PRDM6: variants seen among roughly 807,000 people sequenced by gnomAD.
The protein encoded by PRDM6 is PR/SET domain 6.
In PRDM6, 25 loss-of-function variants were observed where a neutral mutation model predicts 60.8. The observed-to-expected ratio is 0.41, with a 90% confidence interval of 0.30 to 0.57. PRDM6 has a LOEUF of 0.57. Ranked by LOEUF, PRDM6 falls within the 20% of genes least tolerant of loss-of-function variation. The probability of loss-of-function intolerance (pLI) is 0.27; values close to 1 mark genes in which losing one functional copy is unlikely to be tolerated. For missense variants in PRDM6, 839 were observed against 821.3 expected (o/e 1.02, Z -0.26); for synonymous variants, 407 against 357.4 (o/e 1.14, Z -1.57).
At chr5:123,158,319 T>A (rs1467118146) in intron 4 of PRDM6, among the ~76,000 whole-genome samples, 1 of 152,166 alleles carries the variant, frequency 6.6e-6, no homozygotes, top group East Asian at 1.9e-4. Context: ...TTTTTTTATG[T>A]AGCAGTGGAA....
Position 123,090,228 on chromosome 5 carries a change from C to A in PRDM6, c.214C>A (p.Arg72=). ...GCCTCCGCCGGACAGCCTGCGCCCG[C>A]GGCCCGCCTCTCTCTCCTCCGCCTC... The part of the protein sequence containing the change: ...AEPPPDSLRP[R]PASLSSASST... Residue 72 remains arginine, a synonymous_variant, in exon 2 of 8, where the codon CGG becomes AGG. Coordinates refer to ENST00000407847, the MANE Select transcript of PRDM6 (RefSeq NM_001136239.4). 1 of 1,474,028 alleles carries A rather than the reference C, an allele frequency of 6.8e-7. No individual in the cohort carries two copies. Among genetic ancestry groups the A allele is most frequent in the Non-Finnish European group, 9.0e-7 (1 of 1,113,688 alleles). 91.3% of individuals were successfully genotyped at this position (1,474,028 alleles called of 1,614,324 possible). A position where few individuals can be genotyped will look rare whatever the true frequency, so the allele number is the denominator to read the frequency against.
intron 4 of PRDM6, among the ~76,000 whole-genome samples, chr5:123,157,752 A>G (rs1345030029): frequency 1.3e-5 from 2 of 152,232 alleles, no homozygotes; most frequent in Admixed American, 1.3e-4. Context: ...GCTGGTTTAA[A>G]TTCATTCTGT....
At chr5:123,143,148 A>AGTGTGTGT (rs139092433) in intron 3 of PRDM6, among the ~76,000 whole-genome samples, 2,481 of 145,954 alleles carry the variant, frequency 0.017, 72 homozygotes, top group African/African-American at 0.059. Flanking sequence ...TAGTTTTTAA[A>AGTGTGTGT]GTGTGTGTGT....
Position 123,093,230 on chromosome 5 carries a change from TTTCTC to T in PRDM6, c.592+2627_592+2631del, listed in dbSNP as rs765189045. Reference sequence around the variant, plus strand: ...CTTAAAAGGATAGGTATTGAGTTGTTTTCTCTTTTTCTCACAAGGCGAAATAAAAA... The same window carrying T: ...CTTAAAAGGATAGGTATTGAGTTGTTTTTTTCTCACAAGGCGAAATAAAAA... On this transcript the variant is annotated intron_variant, in intron 2 of 7. Transcript: ENST00000407847. Among the ~76,000 whole-genome samples the T allele has an allele frequency of 2.7e-4, 41 of 152,312 alleles. 1 individual carries two copies. Among genetic ancestry groups the T allele is most frequent in the Non-Finnish European group, 4.3e-4 (29 of 68,026 alleles).
rs1478458889 is a variant in PRDM6 at position 123,163,372 on chromosome 5, A to T, written c.1153+3734A>T. 2.0e-5 allele frequency among the ~76,000 whole-genome samples: 3 copies of T among 152,198 alleles called. No homozygotes were observed. In the South Asian group the frequency reaches 6.2e-4, roughly 32 times the overall value. On this transcript the variant is annotated intron_variant, in intron 5 of 7. Transcript: ENST00000407847. ...TCAACATTGAAAGTACACATTTCCT[A>T]TCGAGAGTGTGCGGTGGGTTTGGGT...
intron 5 of PRDM6, among the ~76,000 whole-genome samples, chr5:123,167,300 A>G (rs973223751): frequency 1.1e-4 from 16 of 151,900 alleles, no homozygotes; most frequent in Non-Finnish European, 1.0e-4. Flanking sequence ...ATCTCTCTTC[A>G]TCCCTACTCC....
At chr5:123,125,451 G>T (rs1561831360) in intron 3 of PRDM6, among the ~76,000 whole-genome samples, 1 of 152,186 alleles carries the variant, frequency 6.6e-6, no homozygotes, top group African/African-American at 2.4e-5. Flanking sequence ...AAATGGCCAT[G>T]CATCAAGCTG....
intron 3 of PRDM6, among the ~76,000 whole-genome samples, chr5:123,123,382 G>A (rs1272573269): frequency 6.6e-6 from 1 of 152,072 alleles, no homozygotes; most frequent in African/African-American, 2.4e-5. Context: ...AAAGCTTTTG[G>A]CTCTCATTCC....
intron 3 of PRDM6, among the ~76,000 whole-genome samples, chr5:123,116,919 G>C (rs1323188192): frequency 6.6e-6 from 1 of 152,194 alleles, no homozygotes; most frequent in Non-Finnish European, 1.5e-5. Context: ...AGTGAAATCA[G>C]CTTTCCATAA....
intron 3 of PRDM6, among the ~76,000 whole-genome samples, chr5:123,140,852 G>A (rs1765081210): frequency 6.6e-6 from 1 of 152,070 alleles, no homozygotes; most frequent in African/African-American, 2.4e-5. Flanking sequence ...CAGAAGGCAA[G>A]TTGTTAATTC....
chr5:123,181,542 C>A (rs149477853), intron 7 of PRDM6, among the ~76,000 whole-genome samples: 110 of 152,242 alleles, frequency 7.2e-4, no homozygotes, highest in Non-Finnish European at 1.4e-3. Flanking sequence ...GTGATGAACT[C>A]TTTTCAGTTC....
intron 3 of PRDM6, among the ~76,000 whole-genome samples, chr5:123,108,476 C>G (rs1443462117): frequency 1.3e-5 from 2 of 152,046 alleles, no homozygotes; most frequent in Non-Finnish European, 2.9e-5. Context: ...GAATACAATG[C>G]TTTTGGAACC....
intron 2 of PRDM6, among the ~76,000 whole-genome samples, chr5:123,097,024 A>G (rs1763974535): frequency 6.6e-6 from 1 of 152,084 alleles, no homozygotes; most frequent in Non-Finnish European, 1.5e-5. Flanking sequence ...TGCATCATTG[A>G]GTCAAGCAGA....
intron 3 of PRDM6, among the ~76,000 whole-genome samples, chr5:123,108,694 A>G (rs910919783): frequency 6.6e-6 from 1 of 152,154 alleles, no homozygotes; most frequent in Non-Finnish European, 1.5e-5. Flanking sequence ...GCGGAAATTA[A>G]TTTTTATATT....
chr5:123,187,024 A>G, intron 7 of PRDM6, 63 bp from the exon 8 acceptor site: 1 of 1,191,874 alleles, frequency 8.4e-7, no homozygotes, highest in East Asian at 2.6e-5. Context: ...GCAGGATGAG[A>G]GGAAGCCCAT....
chr5:123,177,282 T>C (rs1238898834), intron 6 of PRDM6, among the ~76,000 whole-genome samples: 2 of 152,208 alleles, frequency 1.3e-5, no homozygotes, highest in East Asian at 3.8e-4. Flanking sequence ...TTTAAAGGAA[T>C]CTTGTCTACT....
intron 2 of PRDM6, among the ~76,000 whole-genome samples, chr5:123,096,691 T>C (rs1258532182): frequency 3.3e-5 from 5 of 152,212 alleles, no homozygotes; most frequent in Non-Finnish European, 7.3e-5. Context: ...GATAGTCTTC[T>C]AGATATTGGG....
At chr5:123,157,012 T>C (rs1331492594) in intron 4 of PRDM6, among the ~76,000 whole-genome samples, 1 of 152,110 alleles carries the variant, frequency 6.6e-6, no homozygotes, top group East Asian at 1.9e-4. Flanking sequence ...AGCAGAGGGC[T>C]CTGTGCTCAG....
intron 3 of PRDM6, among the ~76,000 whole-genome samples, chr5:123,107,544 A>G (rs888817705): frequency 2.0e-5 from 3 of 152,240 alleles, no homozygotes; most frequent in African/African-American, 7.2e-5. Flanking sequence ...AATGAAAGCT[A>G]GCCATGTGGT....
Sources: gnomAD v4.1 joint callset for allele counts (sites outside exome capture counted in the v4.1 genomes callset) on GRCh38, gnomAD v4.1.1 for gene constraint, MANE v1.5 for transcripts, NCBI Gene and HGNC (gene_info 2026-07-23, HGNC 2026-07-21) for gene names.